The following CDKAL1 variants were observed in gnomAD, a reference collection of about 807,000 sequenced individuals.
CDKAL1 encodes the protein threonylcarbamoyladenosine tRNA methylthiotransferase.
Under a neutral mutation model 68.2 loss-of-function variants are expected in CDKAL1, and 32 were observed. The ratio of observed to expected loss-of-function variants is 0.47; its 90% CI spans 0.35 to 0.63. The LOEUF is 0.63. CDKAL1 is among the 30% of genes least tolerant of loss of function. The pLI is 0.00. For synonymous variants in CDKAL1, 234 were observed against 244.3 expected, an observed-to-expected ratio of 0.96 and a Z score of 0.39; for missense variants, 606 against 696.7, an observed-to-expected ratio of 0.87 and a Z score of 1.47.
At chr6:20,864,006 T>TA (rs1212663050) in intron 9 of CDKAL1, among the ~76,000 whole-genome samples, 10 of 152,076 alleles carry the variant, frequency 6.6e-5, no homozygotes, top group Non-Finnish European at 1.3e-4. Flanking sequence ...TTTGTTTTAG[T>TA]AAAAAAAGGA....
intron 4 of CDKAL1, among the ~76,000 whole-genome samples, chr6:20,634,973 G>A (rs1234662861): frequency 2.0e-4 from 17 of 86,644 alleles, no homozygotes; most frequent in Admixed American, 4.5e-4. Context: ...GCAAAACCCC[G>A]TCTCAAAAAA....
At chr6:20,578,244 T>C (rs1398806782) in intron 4 of CDKAL1, among the ~76,000 whole-genome samples, 2 of 152,172 alleles carry the variant, frequency 1.3e-5, no homozygotes, top group Non-Finnish European at 2.9e-5. Context: ...GTGAATTTTT[T>C]TTCCCATTTA....
At chr6:20,858,974 G>A (rs1366925348) in intron 9 of CDKAL1, among the ~76,000 whole-genome samples, 1 of 151,846 alleles carries the variant, frequency 6.6e-6, no homozygotes, top group African/African-American at 2.4e-5. Flanking sequence ...TATCACTGTA[G>A]TTAGACTACA....
chr6:21,055,386 T>C (rs1770772793), intron 11 of CDKAL1, among the ~76,000 whole-genome samples: 1 of 152,044 alleles, frequency 6.6e-6, no homozygotes, highest in Non-Finnish European at 1.5e-5. Flanking sequence ...CTTTTTTTAC[T>C]TTTTTTTAAG....
chr6:20,707,897 T>C (rs1172191429), intron 5 of CDKAL1, among the ~76,000 whole-genome samples: 3 of 152,212 alleles, frequency 2.0e-5, no homozygotes, highest in Non-Finnish European at 4.4e-5. Flanking sequence ...ATCCTCTGTA[T>C]TTTCTTGATA....
At chr6:20,787,877 T>C (rs1561778380) in intron 8 of CDKAL1, among the ~76,000 whole-genome samples, 1 of 152,220 alleles carries the variant, frequency 6.6e-6, no homozygotes, top group Non-Finnish European at 1.5e-5. Flanking sequence ...CAGATACTGG[T>C]TTATAAGAGG....
At chr6:20,789,026 A>G (rs916834807) in intron 8 of CDKAL1, among the ~76,000 whole-genome samples, 3 of 152,236 alleles carry the variant, frequency 2.0e-5, no homozygotes, top group African/African-American at 7.2e-5. Context: ...CCTGGAATAT[A>G]GTTCGAATTG....
At chr6:21,108,546 C>G (rs964551926) in intron 13 of CDKAL1, 83 bp downstream of exon 13, 12 of 786,982 alleles carry the variant, frequency 1.5e-5, no homozygotes, top group Non-Finnish European at 2.3e-5. Context: ...TATGGTGATT[C>G]TGAAATACAC....
chr6:20,601,558 C>T (rs901444997), intron 4 of CDKAL1, among the ~76,000 whole-genome samples: 2 of 152,102 alleles, frequency 1.3e-5, no homozygotes, highest in Non-Finnish European at 2.9e-5. Flanking sequence ...TCAGCACTCT[C>T]AGAGCCTCTC....
intron 12 of CDKAL1, among the ~76,000 whole-genome samples, chr6:21,098,563 G>A (rs189094881): frequency 7.6e-4 from 87 of 113,730 alleles, no homozygotes; most frequent in African/African-American, 2.7e-3. Flanking sequence ...TTTTTTGGCC[G>A]TCACCCATGT....
intron 4 of CDKAL1, among the ~76,000 whole-genome samples, chr6:20,647,560 A>C (rs1394824997): frequency 6.7e-6 from 1 of 149,708 alleles, no homozygotes; most frequent in African/African-American, 2.5e-5. Flanking sequence ...AAGACAGGCC[A>C]AAAAATGAAT....
chr6:20,833,256 C>G (rs1057148329), intron 8 of CDKAL1, among the ~76,000 whole-genome samples: 1 of 152,134 alleles, frequency 6.6e-6, no homozygotes, highest in Admixed American at 6.5e-5. Context: ...AGAGTTGATT[C>G]CTGAACAAAA....
chr6:20,852,976 T>C (rs1184297957), intron 9 of CDKAL1, among the ~76,000 whole-genome samples: 1 of 152,224 alleles, frequency 6.6e-6, no homozygotes, highest in Non-Finnish European at 1.5e-5. Context: ...GTAAATATTT[T>C]AGGCTTTGTG....
At chr6:20,806,630 A>G (rs114462041) in intron 8 of CDKAL1, among the ~76,000 whole-genome samples, 2,412 of 152,164 alleles carry the variant, frequency 0.016, 43 homozygotes, top group African/African-American at 0.054. Flanking sequence ...TCTCACCAGT[A>G]TCTGTTAATA....
At chr6:20,720,022 C>G (rs1772269712) in intron 5 of CDKAL1, among the ~76,000 whole-genome samples, 1 of 152,196 alleles carries the variant, frequency 6.6e-6, no homozygotes, top group Admixed American at 6.5e-5. Flanking sequence ...GCCTTTTGAC[C>G]TGTAGCCTTT....
intron 13 of CDKAL1, among the ~76,000 whole-genome samples, chr6:21,163,576 A>G (rs1777016443): frequency 6.6e-6 from 1 of 152,130 alleles, no homozygotes; most frequent in Non-Finnish European, 1.5e-5. Flanking sequence ...AGGCCTCTAA[A>G]CCACAGGCGT....
intron 8 of CDKAL1, among the ~76,000 whole-genome samples, chr6:20,818,258 G>T (rs372529393): frequency 7.6e-4 from 115 of 152,188 alleles, no homozygotes; most frequent in African/African-American, 2.7e-3. Flanking sequence ...TATATTTCTG[G>T]ATTGAATTCT....
chr6:20,606,709 T>C (rs1047333088), intron 4 of CDKAL1, among the ~76,000 whole-genome samples: 1 of 152,234 alleles, frequency 6.6e-6, no homozygotes, highest in Admixed American at 6.5e-5. Flanking sequence ...CCTAAAATGC[T>C]GCAGAAAAGT....
chr6:21,169,921 A>AAT (rs1777309208), intron 13 of CDKAL1, among the ~76,000 whole-genome samples: 1 of 127,756 alleles, frequency 7.8e-6, no homozygotes. Flanking sequence ...TACGGGAAAG[A>AAT]CCCCCCCCAC....
Sources: allele counts gnomAD v4.1 joint callset (sites outside exome capture counted in the v4.1 genomes callset), GRCh38; gene constraint gnomAD v4.1.1; transcripts MANE v1.5; gene names NCBI Gene and HGNC (gene_info 2026-07-23, HGNC 2026-07-21).